Variants in DSCAM observed in about 807,000 individuals in gnomAD.
The protein encoded by DSCAM is cell adhesion molecule DSCAM.
A neutral mutation model predicts 217.7 loss-of-function variants in DSCAM; 47 were observed. That is an observed-to-expected ratio of 0.22 (90% CI 0.17 to 0.28). The LOEUF (loss-of-function observed/expected upper bound fraction) is 0.28. Among genes scored for constraint, DSCAM ranks in the 10% least tolerant of loss-of-function variants. DSCAM has a pLI of 1.00. For synonymous variants in DSCAM, 1,056 were observed against 1,015.3 expected, an observed-to-expected ratio of 1.04 and a Z score of -0.76; for missense variants, 2,080 against 2,618.3, an observed-to-expected ratio of 0.79 and a Z score of 4.49.
At position 40,296,167 on chromosome 21, in the gene DSCAM, G is replaced by C. The variant is rs751560310; in HGVS notation, c.2070C>G (p.Pro690=). ...HQSQLIVRVP[P]KFVVQPRDQD... ...GGTCCCGTGGCTGAACCACAAACTTGGGAGGAACTGAAAAGAGAGAAATGT... is the reference window on the plus strand; with the variant it reads ...GGTCCCGTGGCTGAACCACAAACTTCGGAGGAACTGAAAAGAGAGAAATGT... The change falls in exon 10 of 33, where the codon CCC becomes CCG. Residue 690 remains proline (P), a synonymous_variant. Transcript: ENST00000400454. 5.0e-6 allele frequency: 8 copies of C among 1,613,772 alleles called. No homozygotes were observed. The East Asian group carries it at 1.8e-4, about 36-fold the overall frequency.
chr21:40,327,241 T>C (rs2074327632), intron 8 of DSCAM, among the ~76,000 whole-genome samples: 2 of 152,158 alleles, frequency 1.3e-5, no homozygotes, highest in Non-Finnish European at 2.9e-5. Flanking sequence ...AAAGTGTTAG[T>C]AATTTGCTTG....
At chr21:40,048,522 C>T (rs1401813436) in intron 30 of DSCAM, among the ~76,000 whole-genome samples, 2 of 152,224 alleles carry the variant, frequency 1.3e-5, no homozygotes, top group African/African-American at 4.8e-5. Context: ...CTTCCATCCT[C>T]ATAAGAATCT....
chr21:40,831,831 A>G (rs1356645720), intron 1 of DSCAM, among the ~76,000 whole-genome samples: 2 of 152,252 alleles, frequency 1.3e-5, no homozygotes, highest in Non-Finnish European at 2.9e-5. Flanking sequence ...AATGGCTGAC[A>G]TGGAAAAGTA....
intron 3 of DSCAM, among the ~76,000 whole-genome samples, chr21:40,449,865 C>A (rs1048507500): frequency 6.6e-6 from 1 of 152,070 alleles, no homozygotes; most frequent in Non-Finnish European, 1.5e-5. Flanking sequence ...TTGATTTAAG[C>A]CTATTTTTAA....
chr21:40,258,514 C>T (rs1326153934), intron 11 of DSCAM, among the ~76,000 whole-genome samples: 2 of 152,164 alleles, frequency 1.3e-5, no homozygotes, highest in Admixed American at 1.3e-4. Context: ...AAAGACTTTC[C>T]TCCCCATCTA....
chr21:40,096,837 C>A (rs1464786317), intron 20 of DSCAM, among the ~76,000 whole-genome samples: 1 of 152,194 alleles, frequency 6.6e-6, no homozygotes, highest in African/African-American at 2.4e-5. Flanking sequence ...ATAAGCATGG[C>A]AGCCAATTTC....
At chr21:40,386,117 T>C (rs1364919391) in intron 3 of DSCAM, among the ~76,000 whole-genome samples, 2 of 150,668 alleles carry the variant, frequency 1.3e-5, no homozygotes, top group Admixed American at 1.3e-4. Flanking sequence ...TGCAATTTAA[T>C]GGCCTTGCAG....
chr21:40,723,304 G>C (rs772950389), intron 1 of DSCAM, among the ~76,000 whole-genome samples: 2 of 152,012 alleles, frequency 1.3e-5, no homozygotes, highest in Non-Finnish European at 2.9e-5. Context: ...GTCTGTGCTG[G>C]TACTAGGCTC....
Position 40,620,022 on chromosome 21 carries a change from AAGAAAGAGAGAG to A in DSCAM, c.508+72776_508+72787del, listed in dbSNP as rs1477735715. Among the ~76,000 whole-genome samples the A allele has an allele frequency of 3.1e-5, 4 of 129,710 alleles. 1 individual carries two copies. Among genetic ancestry groups the A allele is most frequent in the African/African-American group, 6.4e-5 (2 of 31,388 alleles). The allele number at this position is 129,710 out of a possible 152,430, so 85.1% of individuals were successfully genotyped here. A position where few individuals can be genotyped will look rare whatever the true frequency, so the allele number is the denominator to read the frequency against. On this transcript the variant is annotated intron_variant, in intron 3 of 32. Transcript: ENST00000400454. ...GAAAGAGAGAGAAAAAAGAAAAAGA[AAGAAAGAGAGAG>A]AGAAAGAGAGAGAAAAAAGAAAAAG...
At chr21:40,471,305 G>A (rs1253078549) in intron 3 of DSCAM, among the ~76,000 whole-genome samples, 1 of 152,158 alleles carries the variant, frequency 6.6e-6, no homozygotes, top group African/African-American at 2.4e-5. Flanking sequence ...GAAGCAGGGG[G>A]AAGTGAACTT....
intron 1 of DSCAM, among the ~76,000 whole-genome samples, chr21:40,784,947 T>A (rs1212851106): frequency 8.5e-5 from 13 of 152,346 alleles, no homozygotes. Context: ...AAAGCTGAAT[T>A]ATGGCCTATT....
rs1263247153 is a variant in DSCAM, at chr21:40,013,205, G to A, written c.5868C>T (p.Ser1956=). ...IPMEAASSAS[S]TREGQSWQPG... ...GCTGCCACGACTGTCCTTCTCTCGT[G>A]GAGGAGGCGGAGGAGGCGGCTTCCA... The change falls in exon 33 of 33, where the codon TCC becomes TCT. Residue 1956 remains serine, a synonymous_variant. Transcript: ENST00000400454. 2 of 1,613,568 alleles carry A rather than the reference G, an allele frequency of 1.2e-6. No homozygotes were observed. The highest frequency in any genetic ancestry group is 2.2e-5 in the East Asian group (1 of 44,844).
chr21:40,785,190 C>G (rs2091582048), intron 1 of DSCAM, among the ~76,000 whole-genome samples: 2 of 152,324 alleles, frequency 1.3e-5, no homozygotes, highest in South Asian at 4.1e-4. Flanking sequence ...AGCTATGAAC[C>G]TGCACCACAC....
chr21:40,765,867 C>G (rs2123360497), intron 1 of DSCAM, among the ~76,000 whole-genome samples: 1 of 152,314 alleles, frequency 6.6e-6, no homozygotes, highest in South Asian at 2.1e-4. Flanking sequence ...TCCAGATCCC[C>G]TGAATTCTCA....
At chr21:40,615,029 C>A (rs533019676) in intron 3 of DSCAM, among the ~76,000 whole-genome samples, 188 of 151,616 alleles carry the variant, frequency 1.2e-3, no homozygotes, top group South Asian at 2.5e-3. Flanking sequence ...GGGGGCCAGG[C>A]GTAGTGGCTC....
In DSCAM at chr21:40,252,832, A is replaced by G. The variant is rs1426626095; in HGVS notation, c.2356+23265T>C. On this transcript the variant is annotated intron_variant, in intron 11 of 32. Transcript: ENST00000400454. The stretch of plus-strand genomic sequence containing the variant: ...TTACTCCAGTCCCCACAACTTCCCA[A>G]CGTATAAAACAAAATTGGGGGAAGT... Among the ~76,000 whole-genome samples, 6 of 152,236 alleles carry G rather than the reference A, an allele frequency of 3.9e-5. No homozygotes were observed. The East Asian group carries it at 1.2e-3, about 29-fold the overall frequency.
intron 13 of DSCAM, 36 bp from the exon 14 acceptor site, chr21:40,187,295 A>G (rs1215278876): frequency 1.9e-6 from 3 of 1,611,242 alleles, no homozygotes; most frequent in Non-Finnish European, 2.5e-6. Flanking sequence ...AGTTAGTTCA[A>G]ACAGAGCTCT....
chr21:40,680,670 G>C (rs2090391450), intron 3 of DSCAM, among the ~76,000 whole-genome samples: 1 of 152,154 alleles, frequency 6.6e-6, no homozygotes, highest in African/African-American at 2.4e-5. Flanking sequence ...GTCCAATTCT[G>C]GACAGCCAAT....
At chr21:40,773,850 G>A (rs1399908384) in intron 1 of DSCAM, among the ~76,000 whole-genome samples, 6 of 152,280 alleles carry the variant, frequency 3.9e-5, no homozygotes, top group East Asian at 1.9e-4. Flanking sequence ...TCCAGCTACC[G>A]GGGCACCAGG....
Sources: gnomAD v4.1 joint callset for allele counts (sites outside exome capture counted in the v4.1 genomes callset) on GRCh38, gnomAD v4.1.1 for gene constraint, MANE v1.5 for transcripts, NCBI Gene and HGNC (gene_info 2026-07-23, HGNC 2026-07-21) for gene names.